Variants in PTPN3 observed in about 807,000 individuals in gnomAD.
PTPN3 encodes tyrosine-protein phosphatase non-receptor type 3.
In PTPN3, 96 loss-of-function variants were observed where a neutral mutation model predicts 132.7. The ratio of observed to expected loss-of-function variants is 0.72; its 90% CI spans 0.61 to 0.86. The LOEUF (loss-of-function observed/expected upper bound fraction) is 0.86. Among genes scored for constraint, PTPN3 ranks in the 40% least tolerant of loss-of-function variants. The pLI is 0.00. For missense variants in PTPN3, 1,125 were observed against 1,159.6 expected, an observed-to-expected ratio of 0.97 and a Z score of 0.43; for synonymous variants, 398 against 429.0, an observed-to-expected ratio of 0.93 and a Z score of 0.89.
chr9:109,445,861 C>T (rs1044211154), intron 6 of PTPN3, among the ~76,000 whole-genome samples: 3 of 152,194 alleles, frequency 2.0e-5, no homozygotes, highest in African/African-American at 7.2e-5. Flanking sequence ...TATCTATTTG[C>T]CCTCCTGAAG....
rs1337706448 is a variant in PTPN3 at position 109,436,844 on chromosome 9, A to G, written c.675+39T>C. 3.2e-6 allele frequency: 5 copies of G among 1,576,808 alleles called. No individual in the cohort carries two copies. In the Admixed American group the frequency reaches 7.7e-5, roughly 24 times the overall value. ...TCAAACTCTCAGAGATTAAAATAAA[A>G]ACATAATGTTTGAGCCAAGACATAA... On this transcript the variant is annotated intron_variant, in intron 9 of 25. Coordinates refer to ENST00000374541, the MANE Select transcript of PTPN3 (RefSeq NM_002829.4).
At position 109,375,882 on chromosome 9, in the gene PTPN3, A is replaced by T. The variant is rs962565355; in HGVS notation, c.*3674T>A. 5.9e-5 allele frequency: 9 copies of T among 152,340 alleles called. No homozygotes were observed. Among genetic ancestry groups the T allele is most frequent in the South Asian group, 4.1e-4 (2 of 4,820 alleles). The allele number at this position is 152,340 out of a possible 1,614,324, so 9.4% of individuals were successfully genotyped here. A position where few individuals can be genotyped will look rare whatever the true frequency, so the allele number is the denominator to read the frequency against. ...TCCAAACAGAATGAGAGCTATGAGA[A>T]TGGTGGCCCAGCCCGGCCATCAGAC... On this transcript the variant is annotated 3_prime_UTR_variant, in exon 26 of 26. Coordinates refer to ENST00000374541, the MANE Select transcript of PTPN3 (RefSeq NM_002829.4).
At position 109,384,642 on chromosome 9, in the gene PTPN3, T is replaced by A. The variant is rs868125403; in HGVS notation, c.2254-1091A>T. On this transcript the variant is annotated intron_variant, in intron 22 of 25. Coordinates refer to ENST00000374541, the MANE Select transcript of PTPN3 (RefSeq NM_002829.4). Reference sequence around the variant, plus strand: ...GCTAGGCTGTCCATCCCATCATAGATCCTTCTGTCAGTTAAATCCTAAGTC... The same window carrying A: ...GCTAGGCTGTCCATCCCATCATAGAACCTTCTGTCAGTTAAATCCTAAGTC... Among the ~76,000 whole-genome samples the A allele has an allele frequency of 3.3e-5, 5 of 152,348 alleles. No homozygotes were observed. In the South Asian group the frequency reaches 6.2e-4, roughly 19 times the overall value.
At chr9:109,514,501 GTAC>G in the PTPN3 span, among the ~76,000 whole-genome samples, 2 of 152,202 alleles carry the variant, frequency 1.3e-5, no homozygotes, top group Admixed American at 1.3e-4. Flanking sequence ...TCTATGCCAT[GTAC>G]TACTGTTCTA....
chr9:109,449,225 A>T (rs1438205288), intron 5 of PTPN3: 1 of 1,044,650 alleles, frequency 9.6e-7, no homozygotes, highest in Admixed American at 5.4e-5. Flanking sequence ...GGCTCTGCAC[A>T]AGCGGCGCCC....
At chr9:109,420,197 T>C (rs1209292628) in intron 14 of PTPN3, among the ~76,000 whole-genome samples, 1 of 152,192 alleles carries the variant, frequency 6.6e-6, no homozygotes, top group Non-Finnish European at 1.5e-5. Context: ...TAGGAAGTCT[T>C]TGTCGTGGAC....
the PTPN3 span, among the ~76,000 whole-genome samples, chr9:109,505,084 T>C: frequency 6.6e-6 from 1 of 152,108 alleles, no homozygotes; most frequent in African/African-American, 2.4e-5. Flanking sequence ...TAATAGAGGA[T>C]TCTAGGGAGG....
chr9:109,503,639 G>A, the PTPN3 span, among the ~76,000 whole-genome samples: 1 of 151,918 alleles, frequency 6.6e-6, no homozygotes, highest in Non-Finnish European at 1.5e-5. Flanking sequence ...AACCCTGGAG[G>A]CAGAGGTTGC....
At chr9:109,478,566 G>A (rs922319905) in intron 1 of PTPN3, among the ~76,000 whole-genome samples, 3 of 152,176 alleles carry the variant, frequency 2.0e-5, no homozygotes, top group Non-Finnish European at 2.9e-5. Flanking sequence ...CCCTGAGTTA[G>A]GGCAAAAACA....
intron 25 of PTPN3, among the ~76,000 whole-genome samples, chr9:109,380,216 T>TCTAG (rs1445071579): frequency 1.9e-5 from 2 of 103,666 alleles, no homozygotes; most frequent in East Asian, 5.6e-4. Flanking sequence ...GCTAGGAAAA[T>TCTAG]CTATCTATCT....
chr9:109,408,556 T>C lies in PTPN3; in HGVS notation c.1579-179A>G, dbSNP rs1340524523. 2.6e-5 allele frequency among the ~76,000 whole-genome samples: 4 copies of C among 152,020 alleles called. 1 individual carries two copies. In the South Asian group the frequency reaches 8.3e-4, roughly 32 times the overall value. On this transcript the variant is annotated intron_variant, in intron 16 of 25. Coordinates refer to ENST00000374541, the MANE Select transcript of PTPN3 (RefSeq NM_002829.4). ...TTCGAATCACACGTCATTTCAGAAATATGGAACAAATTCCTGACCCCTCTG... is the reference window on the plus strand; with the variant it reads ...TTCGAATCACACGTCATTTCAGAAACATGGAACAAATTCCTGACCCCTCTG...
the PTPN3 span, among the ~76,000 whole-genome samples, chr9:109,520,866 T>C: frequency 6.6e-6 from 1 of 152,214 alleles, no homozygotes; most frequent in African/African-American, 2.4e-5. Flanking sequence ...AATTATTTTC[T>C]TAAGTGCTTT....
At chr9:109,468,407 C>T (rs947821399) in intron 1 of PTPN3, among the ~76,000 whole-genome samples, 2 of 152,180 alleles carry the variant, frequency 1.3e-5, no homozygotes, top group Non-Finnish European at 2.9e-5. Flanking sequence ...TGCTCTGTCC[C>T]CCAGGCTGGA....
intron 5 of PTPN3, 47 bp from the exon 6 acceptor site, chr9:109,448,902 C>CAAAAA (rs35966698): frequency 4.6e-6 from 6 of 1,292,494 alleles, no homozygotes; most frequent in East Asian, 3.0e-5. Context: ...CTGAAATAAG[C>CAAAAA]AAAAAAAAAA....
In PTPN3 at chr9:109,463,663, G is replaced by A. The variant is rs191629311; in HGVS notation, c.-17-212C>T. The stretch of plus-strand genomic sequence containing the variant: ...CTAAATTGTACGTTCACAGAATTAC[G>A]TGGCTTATTTGCATGTCTTATTAAC... On this transcript the variant is annotated intron_variant, in intron 1 of 25. Coordinates refer to ENST00000374541, the MANE Select transcript of PTPN3 (RefSeq NM_002829.4). Among the ~76,000 whole-genome samples the A allele has an allele frequency of 4.6e-5, 7 of 152,248 alleles. No homozygotes were observed. In the East Asian group the frequency reaches 7.7e-4, roughly 17 times the overall value.
intron 16 of PTPN3, among the ~76,000 whole-genome samples, chr9:109,408,790 A>ATATATATATATATATAT (rs1293697190): frequency 6.8e-5 from 4 of 59,208 alleles, no homozygotes; most frequent in South Asian, 5.9e-4. Flanking sequence ...TTAAAAAAAA[A>ATATATATATATATATAT]AAAAAAATAT....
intron 19 of PTPN3, 142 bp from the exon 20 acceptor site, chr9:109,391,703 T>A (rs1337419861): frequency 3.2e-6 from 2 of 629,822 alleles, no homozygotes; most frequent in African/African-American, 3.8e-5. Context: ...ATCTTCCCAA[T>A]AAGAAATTCT....
rs550031703 is a variant in PTPN3 at position 109,379,150 on chromosome 9, C to T, written c.*406G>A. The T allele has an allele frequency of 9.5e-5, 17 of 179,412 alleles. 1 individual carries two copies. The South Asian group carries it at 2.0e-3, about 21-fold the overall frequency. The allele number at this position is 179,412 out of a possible 1,614,324, so 11.1% of individuals were successfully genotyped here. On this transcript the variant is annotated 3_prime_UTR_variant, in exon 26 of 26. Transcript: ENST00000374541. ...AGAAAGCTCAGCCCTTACAGTCTGACACACAGAAACAAACAAAACATCCAA... is the reference window on the plus strand; with the variant it reads ...AGAAAGCTCAGCCCTTACAGTCTGATACACAGAAACAAACAAAACATCCAA...
intron 19 of PTPN3, among the ~76,000 whole-genome samples, chr9:109,398,586 T>C (rs1840786791): frequency 6.6e-6 from 1 of 152,212 alleles, no homozygotes; most frequent in African/African-American, 2.4e-5. Context: ...GGTGGTCTTT[T>C]GTAGCCACTG....
Sources: gnomAD v4.1 joint callset for allele counts (sites outside exome capture counted in the v4.1 genomes callset) on GRCh38, gnomAD v4.1.1 for gene constraint, MANE v1.5 for transcripts, NCBI Gene and HGNC (gene_info 2026-07-23, HGNC 2026-07-21) for gene names.